The following PRELID2 variants were observed in gnomAD, a reference collection of about 807,000 sequenced individuals.
PRELID2 encodes the protein PRELI domain-containing protein 2.
PRELID2 carries 25 observed loss-of-function variants against 28.4 expected under a neutral mutation model. That is an observed-to-expected ratio of 0.88 (90% CI 0.64 to 1.23). The LOEUF (loss-of-function observed/expected upper bound fraction) is 1.23. Ranked by LOEUF, PRELID2 falls within the 50% of genes most tolerant of loss-of-function variation. PRELID2 has a pLI of 0.00. For synonymous variants in PRELID2, 76 were observed against 71.6 expected, an observed-to-expected ratio of 1.06 and a Z score of -0.31; for missense variants, 201 against 214.4, an observed-to-expected ratio of 0.94 and a Z score of 0.39.
chr5:145,331,399 G>A, the PRELID2 span, among the ~76,000 whole-genome samples: 1 of 152,082 alleles, frequency 6.6e-6, no homozygotes, highest in African/African-American at 2.4e-5. Flanking sequence ...TATTGTGTGG[G>A]AGTCTAAGTC....
In PRELID2 at chr5:145,817,926, A is replaced by C. The variant is rs147081642; in HGVS notation, c.336T>G (p.Ser112=). 9.9e-5 allele frequency: 155 copies of C among 1,566,546 alleles called. 1 individual carries two copies. The African/African-American group carries it at 1.9e-3, about 19-fold the overall frequency. The change falls in exon 4 of 7, where the codon TCT becomes TCG. Residue 112 remains serine (S), a synonymous_variant. Transcript: ENST00000683046. The part of the protein sequence containing the change: ...WTQYASMKEE[S]VFRESMENPN... ...GGTTTTCCATACTTTCCCGGAAGAC[A>C]GACTCTTCCTTCATGGATGCATACT...
At chr5:145,534,270 C>A (rs1394550156) in intron 1 of PRELID2, among the ~76,000 whole-genome samples, 3 of 151,944 alleles carry the variant, frequency 2.0e-5, no homozygotes, top group South Asian at 2.1e-4. Flanking sequence ...GCACAAGTAT[C>A]TTTTCTTCAA....
intron 1 of PRELID2, among the ~76,000 whole-genome samples, chr5:145,744,942 T>C (rs1202412395): frequency 1.3e-5 from 2 of 151,942 alleles, no homozygotes; most frequent in Non-Finnish European, 2.9e-5. Context: ...TCTAACCCAA[T>C]GCAAAGAAGC....
chr5:145,676,322 G>A lies in PRELID2; in HGVS notation n.70+88609C>T, dbSNP rs559633283. On this transcript the variant is annotated intron_variant and non_coding_transcript_variant, in intron 1 of 2. Transcript: ENST00000510259. Reference sequence around the variant, plus strand: ...TGGGCAGCCAAGGCGGGCAGATCACGAGGTCAGGAGTTCGAGACCAGCCTG... The same window carrying A: ...TGGGCAGCCAAGGCGGGCAGATCACAAGGTCAGGAGTTCGAGACCAGCCTG... 4.6e-3 allele frequency among the ~76,000 whole-genome samples: 693 copies of A among 151,878 alleles called. 2 individuals are homozygous for A. Among genetic ancestry groups the A allele is most frequent in the Non-Finnish European group, 7.6e-3 (519 of 67,956 alleles).
At chr5:145,609,413 T>A (rs941984712) in intron 1 of PRELID2, among the ~76,000 whole-genome samples, 1 of 152,230 alleles carries the variant, frequency 6.6e-6, no homozygotes, top group African/African-American at 2.4e-5. Flanking sequence ...GAGGAACCCC[T>A]GCTGATTACT....
intron 1 of PRELID2, among the ~76,000 whole-genome samples, chr5:145,560,465 AT>A (rs1752917088): frequency 6.6e-6 from 1 of 152,238 alleles, no homozygotes; most frequent in Non-Finnish European, 1.5e-5. Context: ...AAGGCTTGTA[AT>A]TGGTAAATTA....
chr5:145,774,031 G>A (rs1480439970), intron 5 of PRELID2, among the ~76,000 whole-genome samples: 1 of 152,120 alleles, frequency 6.6e-6, no homozygotes, highest in East Asian at 1.9e-4. Context: ...TTCAAGTCAG[G>A]TGTTTCCTTT....
intron 1 of PRELID2, among the ~76,000 whole-genome samples, chr5:145,698,923 C>T (rs1317311450): frequency 1.3e-5 from 2 of 152,102 alleles, no homozygotes; most frequent in African/African-American, 2.4e-5. Context: ...GACGAGGTTT[C>T]GCCATGTTGG....
chr5:145,734,242 A>C (rs1182117687), intron 1 of PRELID2, among the ~76,000 whole-genome samples: 3 of 152,124 alleles, frequency 2.0e-5, no homozygotes, highest in African/African-American at 7.2e-5. Flanking sequence ...CAGCCTCCTG[A>C]GTAGCTGGGA....
chr5:145,826,025 GT>G, intron 1 of PRELID2: 1 of 985,376 alleles, frequency 1.0e-6, no homozygotes, highest in Non-Finnish European at 1.2e-6. Flanking sequence ...AGATGGCCAG[GT>G]TTTTCTGGAC....
chr5:145,761,452 G>A (rs1757470886), intron 6 of PRELID2, among the ~76,000 whole-genome samples: 1 of 152,176 alleles, frequency 6.6e-6, no homozygotes. Flanking sequence ...TTCACAAAGT[G>A]TTGACGTTAG....
the PRELID2 span, among the ~76,000 whole-genome samples, chr5:145,440,412 T>C: frequency 6.6e-6 from 1 of 152,128 alleles, no homozygotes; most frequent in South Asian, 2.1e-4. Flanking sequence ...AATTATAGTT[T>C]ATTTCTTACT....
chr5:145,714,281 A>T (rs572404358), intron 1 of PRELID2, among the ~76,000 whole-genome samples: 2 of 152,170 alleles, frequency 1.3e-5, no homozygotes, highest in Admixed American at 1.3e-4. Flanking sequence ...ACAGATTGGC[A>T]TGAAACTTCA....
chr5:145,588,177 T>G (rs1357293256), intron 1 of PRELID2, among the ~76,000 whole-genome samples: 1 of 152,212 alleles, frequency 6.6e-6, no homozygotes. Context: ...ATTTATGGTA[T>G]GCTCAGATAT....
At chr5:145,807,632 T>C (rs777042595) in intron 4 of PRELID2, among the ~76,000 whole-genome samples, 2 of 151,986 alleles carry the variant, frequency 1.3e-5, no homozygotes, top group Non-Finnish European at 2.9e-5. Flanking sequence ...CTACATGGCA[T>C]TTCCTACCAA....
At chr5:145,702,326 T>C (rs772180300) in intron 1 of PRELID2, among the ~76,000 whole-genome samples, 1 of 152,144 alleles carries the variant, frequency 6.6e-6, no homozygotes, top group Non-Finnish European at 1.5e-5. Context: ...GTCTCATCTG[T>C]GTCTGAAGGT....
chr5:145,830,160 A>G (rs527732338), intron 1 of PRELID2, among the ~76,000 whole-genome samples: 1 of 152,344 alleles, frequency 6.6e-6, no homozygotes, highest in Admixed American at 6.5e-5. Flanking sequence ...AGTACCTACT[A>G]TGTTCCAGGA....
chr5:145,417,968 T>C, the PRELID2 span, among the ~76,000 whole-genome samples: 1 of 152,180 alleles, frequency 6.6e-6, no homozygotes, highest in Non-Finnish European at 1.5e-5. Context: ...TCTTTGCAGA[T>C]GACATGATTC....
At chr5:145,384,448 A>G in the PRELID2 span, among the ~76,000 whole-genome samples, 4 of 152,208 alleles carry the variant, frequency 2.6e-5, no homozygotes, top group Non-Finnish European at 5.9e-5. Flanking sequence ...ATATAAATAC[A>G]TGCAACAATA....
Sources: allele counts gnomAD v4.1 joint callset (sites outside exome capture counted in the v4.1 genomes callset), GRCh38; gene constraint gnomAD v4.1.1; transcripts MANE v1.5; gene names NCBI Gene and HGNC (gene_info 2026-07-23, HGNC 2026-07-21).